The following CYP3A5 variants were observed in gnomAD, a reference collection of about 807,000 sequenced individuals.
CYP3A5 encodes cytochrome P450 family 3 subfamily A member 5, also known as cytochrome P450 3A5.
In CYP3A5, 51 loss-of-function variants were observed where a neutral mutation model predicts 55.9. That is an observed-to-expected ratio of 0.91 (90% confidence interval 0.73 to 1.15). The LOEUF is 1.15. Ranked by LOEUF, CYP3A5 falls within the 50% of genes most tolerant of loss-of-function variation. CYP3A5 has a pLI of 0.00. For synonymous variants in CYP3A5, 196 were observed against 213.9 expected (o/e 0.92, Z 0.73); for missense variants, 533 against 596.6 (o/e 0.89, Z 1.11).
chr7:99,664,449 G>A (rs190313165), intron 7 of CYP3A5, among the ~76,000 whole-genome samples: 3 of 152,286 alleles, frequency 2.0e-5, no homozygotes, highest in East Asian at 1.9e-4. Flanking sequence ...TTCAGGAAAT[G>A]ATAGTCAAGA....
intron 3 of CYP3A5, among the ~76,000 whole-genome samples, chr7:99,673,708 A>G (rs971684159): frequency 1.3e-5 from 2 of 152,234 alleles, no homozygotes; most frequent in Admixed American, 6.5e-5. Flanking sequence ...TTGAAAGTGA[A>G]TCAATGTGGG....
At chr7:99,649,660 C>A (rs1271797462) in intron 12 of CYP3A5, among the ~76,000 whole-genome samples, 1 of 152,148 alleles carries the variant, frequency 6.6e-6, no homozygotes, top group Non-Finnish European at 1.5e-5. Flanking sequence ...TTTTGAAGCT[C>A]CCTGGTGATT....
chr7:99,653,156 C>T lies in CYP3A5; in HGVS notation c.1027-377G>A, dbSNP rs2151367400. Among the ~76,000 whole-genome samples, 1 of 152,252 alleles carries T rather than the reference C, an allele frequency of 6.6e-6. No homozygotes were observed. Among genetic ancestry groups the T allele is most frequent in the Non-Finnish European group, 1.5e-5 (1 of 68,014 alleles). On this transcript the variant is annotated intron_variant, in intron 10 of 12. Coordinates refer to ENST00000222982, the MANE Select transcript of CYP3A5 (RefSeq NM_000777.5). The surrounding 1 kb of genome is among the most constrained non-coding windows in gnomAD (Gnocchi z 4.2). ...TTCAAAAAGAGGTCACACATCTGTACCAAGAAAGAAAAACAGGGAAAAGAG... is the reference window on the plus strand; with the variant it reads ...TTCAAAAAGAGGTCACACATCTGTATCAAGAAAGAAAAACAGGGAAAAGAG...
rs1339397550 is a variant in CYP3A5, at chr7:99,676,632, A to C, written c.72-424T>G. On this transcript the variant is annotated intron_variant, in intron 1 of 12. Coordinates refer to ENST00000222982, the MANE Select transcript of CYP3A5 (RefSeq NM_000777.5). ...TTTTGCACTGATGATGAGATTTTGC[A>C]TCACTGTATGCACTCAATCACAGAG... The C allele has an allele frequency of 2.8e-6, 3 of 1,074,778 alleles. No individual in the cohort carries two copies. The Admixed American group carries it at 5.7e-5, about 21-fold the overall frequency. 66.6% of individuals were successfully genotyped at this position (1,074,778 alleles called of 1,614,324 possible).
intron 12 of CYP3A5, among the ~76,000 whole-genome samples, chr7:99,649,281 ATCC>A (rs1808922057): frequency 6.6e-6 from 1 of 152,174 alleles, no homozygotes; most frequent in African/African-American, 2.4e-5. Context: ...AACCATCTCC[ATCC>A]TCCTCCTCTC....
intron 3 of CYP3A5, among the ~76,000 whole-genome samples, chr7:99,673,655 C>T (rs942114538): frequency 2.0e-5 from 3 of 152,180 alleles, no homozygotes; most frequent in Non-Finnish European, 4.4e-5. Flanking sequence ...CTTTCAAAAG[C>T]ACATGTTAAA....
intron 9 of CYP3A5, 42 bp from the exon 10 acceptor site, chr7:99,660,701 G>C (rs367818793): frequency 8.1e-6 from 13 of 1,604,086 alleles, no homozygotes; most frequent in Middle Eastern, 1.7e-4. Context: ...TCAGGTCAAC[G>C]TACAACATCA....
rs28365085 is a variant in CYP3A5 at position 99,648,351 on chromosome 7, A to G, written c.1463T>C (p.Ile488Thr). Residue 488 changes from isoleucine to threonine, a missense_variant, in exon 13 of 13, where the codon ATT becomes ACT. Coordinates refer to ENST00000222982, the MANE Select transcript of CYP3A5 (RefSeq NM_000777.5). ...ATCTCTTGAATCCACCTTTAGAACA[A>G]TGGGTTTTTCTGGTTGAAGAAGTCC... ...TQGLLQPEKPIVLKVDSRDGT... is the reference protein window; with the variant it reads ...TQGLLQPEKPTVLKVDSRDGT... 2.4e-4 allele frequency: 384 copies of G among 1,612,178 alleles called. 1 individual carries two copies. The East Asian group carries it at 8.0e-3, about 34-fold the overall frequency.
At chr7:99,679,615 C>T (rs1179051460) in intron 1 of CYP3A5, among the ~76,000 whole-genome samples, 1 of 152,124 alleles carries the variant, frequency 6.6e-6, no homozygotes, top group African/African-American at 2.4e-5. Flanking sequence ...TCCTAGTCAC[C>T]AAAATTAGAA....
chr7:99,658,395 T>C (rs1178546936), intron 10 of CYP3A5, among the ~76,000 whole-genome samples: 1 of 152,200 alleles, frequency 6.6e-6, no homozygotes, highest in Non-Finnish European at 1.5e-5. Flanking sequence ...TCTTTAAGAA[T>C]GTTGAATATT....
At chr7:99,660,110 C>T (rs571571127) in intron 10 of CYP3A5, 176 of 663,234 alleles carry the variant, frequency 2.7e-4, no homozygotes, top group Admixed American at 1.6e-3. Flanking sequence ...GAGATGCACC[C>T]GGTACCTCAG....
At chr7:99,669,733 G>A (rs969068928) in intron 4 of CYP3A5, among the ~76,000 whole-genome samples, 5 of 152,146 alleles carry the variant, frequency 3.3e-5, no homozygotes, top group African/African-American at 4.8e-5. Context: ...TGAAGAAATC[G>A]AAATGTCACC....
In CYP3A5 at chr7:99,662,746, C is replaced by T; in HGVS notation, c.865+70G>A. On this transcript the variant is annotated intron_variant, in intron 9 of 12. Coordinates refer to ENST00000222982, the MANE Select transcript of CYP3A5 (RefSeq NM_000777.5). The surrounding 1 kb of genome is among the most constrained non-coding windows in gnomAD (Gnocchi z 4.3). ...TCTCATCTTCCTGGAATACTTCCTG[C>T]ACATTTTCAGAACAAGGCCCTCCCT... 7.1e-7 allele frequency: 1 copy of T among 1,415,358 alleles called. No individual in the cohort carries two copies. The highest frequency in any genetic ancestry group is 9.9e-7 in the Non-Finnish European group (1 of 1,005,964). 87.7% of individuals were successfully genotyped at this position (1,415,358 alleles called of 1,614,324 possible).
rs1812263753 is a variant in CYP3A5, at chr7:99,676,190, A to G, written c.90T>C (p.His30=). 3.1e-6 allele frequency: 5 copies of G among 1,613,594 alleles called. No individual in the cohort carries two copies. In the South Asian group the frequency reaches 4.4e-5, roughly 14 times the overall value. The change falls in exon 2 of 13, where the codon CAT becomes CAC. Residue 30 remains histidine, a synonymous_variant. Coordinates refer to ENST00000222982, the MANE Select transcript of CYP3A5 (RefSeq NM_000777.5). ...GAATTCCCAGTCTCTTAAAAAGTCC[A>G]TGTGTACGGGTCCCATATCTACAAA... The part of the protein sequence containing the change: ...VLLYLYGTRT[H]GLFKRLGIPG...
intron 4 of CYP3A5, chr7:99,671,829 A>G (rs1191181515): frequency 4.3e-6 from 3 of 702,954 alleles, no homozygotes; most frequent in Admixed American, 4.0e-5. Context: ...AGGGAGCCAC[A>G]TGGTGACGGA....
At chr7:99,677,332 A>G (rs982929475) in intron 1 of CYP3A5, 29 of 788,442 alleles carry the variant, frequency 3.7e-5, no homozygotes, top group African/African-American at 1.3e-4. Context: ...AGAGAGGCAA[A>G]CTACAAAAAT....
chr7:99,675,824 G>A (rs1395517603), intron 2 of CYP3A5, among the ~76,000 whole-genome samples: 1 of 148,544 alleles, frequency 6.7e-6, no homozygotes, highest in Non-Finnish European at 1.5e-5. Flanking sequence ...ATTCAGAGTA[G>A]CTGGGACTAC....
At chr7:99,651,120 G>A (rs1809140485) in intron 11 of CYP3A5, among the ~76,000 whole-genome samples, 1 of 152,170 alleles carries the variant, frequency 6.6e-6, no homozygotes, top group Non-Finnish European at 1.5e-5. Context: ...GAGGGTGATG[G>A]TGGCATTTGG....
Position 99,676,655 on chromosome 7 carries a change from G to A in CYP3A5, c.72-447C>T. 3.7e-6 allele frequency: 3 copies of A among 819,616 alleles called. No individual in the cohort carries two copies. The South Asian group carries it at 3.9e-5, about 11-fold the overall frequency. The allele number at this position is 819,616 out of a possible 1,614,324, so 50.8% of individuals were successfully genotyped here. Reference sequence around the variant, plus strand: ...GCATCACTGTATGCACTCAATCACAGAGGGTCACTGGGAGCCTATGGTGAC... The same window carrying A: ...GCATCACTGTATGCACTCAATCACAAAGGGTCACTGGGAGCCTATGGTGAC... On this transcript the variant is annotated intron_variant, in intron 1 of 12. Coordinates refer to ENST00000222982, the MANE Select transcript of CYP3A5 (RefSeq NM_000777.5).
Sources: gnomAD v4.1 joint callset for allele counts (sites outside exome capture counted in the v4.1 genomes callset) on GRCh38, gnomAD v4.1.1 for gene constraint, Gnocchi (gnomAD v3.1) non-coding constraint, MANE v1.5 for transcripts, NCBI Gene and HGNC (gene_info 2026-07-23, HGNC 2026-07-21) for gene names.